CSMD1: variants seen among roughly 807,000 people sequenced by gnomAD.
The protein encoded by CSMD1 is CUB and sushi domain-containing protein 1.
A neutral mutation model predicts 417.5 loss-of-function variants in CSMD1; 213 were observed. The ratio of observed to expected loss-of-function variants is 0.51; its 90% CI spans 0.46 to 0.57. The LOEUF is 0.57. Ranked by LOEUF, CSMD1 falls within the 20% of genes least tolerant of loss-of-function variation. CSMD1 has a pLI of 0.00. For synonymous variants in CSMD1, 2,862 were observed against 1,736.8 expected (o/e 1.65, Z -16.11); for missense variants, 6,923 against 4,529.7 (o/e 1.53, Z -15.17).
chr8:3,577,972 C>A (rs1246804864), intron 9 of CSMD1, among the ~76,000 whole-genome samples: 1 of 152,074 alleles, frequency 6.6e-6, no homozygotes, highest in Non-Finnish European at 1.5e-5. Context: ...TTCTACCAGC[C>A]GATGTCCACA....
chr8:2,955,561 G>C (rs4875856), intron 64 of CSMD1, 28 bp downstream of exon 64: 692,852 of 1,608,266 alleles, frequency 0.43, 155,896 homozygotes, highest in Non-Finnish European at 0.47. Context: ...CTTTGGAAAA[G>C]TATGCCACTC....
chr8:4,720,560 G>A (rs1055345734), intron 1 of CSMD1, among the ~76,000 whole-genome samples: 1 of 152,014 alleles, frequency 6.6e-6, no homozygotes, highest in African/African-American at 2.4e-5. Flanking sequence ...TGAGATTAAA[G>A]GCACATGCCA....
At chr8:3,954,736 G>C (rs562101122) in intron 5 of CSMD1, among the ~76,000 whole-genome samples, 4 of 152,328 alleles carry the variant, frequency 2.6e-5, no homozygotes, top group Admixed American at 2.6e-4. Flanking sequence ...CATGCGCAGA[G>C]CCCTCCTTGC....
intron 2 of CSMD1, among the ~76,000 whole-genome samples, chr8:4,537,764 G>T (rs1033366711): frequency 6.6e-6 from 1 of 152,148 alleles, no homozygotes; most frequent in African/African-American, 2.4e-5. Context: ...ACCTGGCCTC[G>T]AATCACCAGG....
intron 26 of CSMD1, among the ~76,000 whole-genome samples, chr8:3,271,579 C>G (rs1380534269): frequency 6.6e-6 from 1 of 151,920 alleles, no homozygotes; most frequent in African/African-American, 2.4e-5. Flanking sequence ...TCCACATCCT[C>G]TCCAGCACCT....
chr8:3,223,713 C>T lies in CSMD1; in HGVS notation c.4484+16G>A, dbSNP rs766268571. ...AAAAATCCTACTAAAAAGAGGTATT[C>T]TGCAAGAGACGGTACCTTTTGAATA... On this transcript the variant is annotated intron_variant, in intron 28 of 69. Coordinates refer to ENST00000635120, the MANE Select transcript of CSMD1 (RefSeq NM_033225.6). 4 of 1,612,782 alleles carry T rather than the reference C, an allele frequency of 2.5e-6. No homozygotes were observed. The highest frequency in any genetic ancestry group is 2.5e-6 in the Non-Finnish European group (3 of 1,179,344).
intron 5 of CSMD1, among the ~76,000 whole-genome samples, chr8:3,968,449 T>C (rs543783721): frequency 6.6e-6 from 1 of 152,158 alleles, no homozygotes; most frequent in Non-Finnish European, 1.5e-5. Context: ...ACCCACACAA[T>C]GCTTTTCTCT....
chr8:3,724,229 G>C (rs1183804707), intron 6 of CSMD1, among the ~76,000 whole-genome samples: 4 of 151,592 alleles, frequency 2.6e-5, no homozygotes, highest in Non-Finnish European at 4.4e-5. Context: ...TTAAGTTTTA[G>C]GGTACATGTG....
At chr8:4,609,826 T>C (rs1361677397) in intron 2 of CSMD1, among the ~76,000 whole-genome samples, 1 of 152,110 alleles carries the variant, frequency 6.6e-6, no homozygotes, top group Non-Finnish European at 1.5e-5. Context: ...AAACCAAGCA[T>C]CAAATGCCCT....
chr8:3,867,431 C>G (rs1197524602), intron 5 of CSMD1, among the ~76,000 whole-genome samples: 1 of 152,046 alleles, frequency 6.6e-6, no homozygotes, highest in Non-Finnish European at 1.5e-5. Flanking sequence ...AGTATTTGCC[C>G]TTGAGTCTTC....
intron 1 of CSMD1, among the ~76,000 whole-genome samples, chr8:4,659,983 A>T (rs1804486293): frequency 6.6e-6 from 1 of 152,004 alleles, no homozygotes; most frequent in Non-Finnish European, 1.5e-5. Flanking sequence ...CAAATTGGTA[A>T]GGAGTATATA....
At chr8:4,365,634 C>A (rs1009141933) in intron 3 of CSMD1, among the ~76,000 whole-genome samples, 4 of 152,190 alleles carry the variant, frequency 2.6e-5, no homozygotes, top group African/African-American at 9.7e-5. Context: ...TGAACACTAA[C>A]GGTGAATTTT....
chr8:4,597,298 C>A (rs952716832), intron 2 of CSMD1, among the ~76,000 whole-genome samples: 5 of 152,046 alleles, frequency 3.3e-5, no homozygotes, highest in African/African-American at 1.2e-4. Context: ...AATGTATTAA[C>A]TTATAAGATC....
At chr8:4,797,853 G>C (rs1486595839) in intron 1 of CSMD1, among the ~76,000 whole-genome samples, 2 of 152,036 alleles carry the variant, frequency 1.3e-5, no homozygotes, top group African/African-American at 2.4e-5. Flanking sequence ...ACCATATAAA[G>C]ACATTTCCTC....
intron 3 of CSMD1, among the ~76,000 whole-genome samples, chr8:4,042,265 A>C (rs1292823583): frequency 6.6e-6 from 1 of 152,188 alleles, no homozygotes; most frequent in Non-Finnish European, 1.5e-5. Context: ...CAATGAAGAA[A>C]AAATCTTTAA....
At chr8:4,990,136 T>C (rs1811384013) in intron 1 of CSMD1, among the ~76,000 whole-genome samples, 1 of 152,162 alleles carries the variant, frequency 6.6e-6, no homozygotes. Context: ...CTGGACTTGT[T>C]TGATGAGACC....
At chr8:4,353,275 T>C (rs914787388) in intron 3 of CSMD1, among the ~76,000 whole-genome samples, 3 of 152,064 alleles carry the variant, frequency 2.0e-5, no homozygotes, top group Non-Finnish European at 4.4e-5. Flanking sequence ...GGAGATCTGA[T>C]GGTTTTATAA....
intron 1 of CSMD1, among the ~76,000 whole-genome samples, chr8:4,718,345 T>C (rs1457257362): frequency 1.3e-5 from 2 of 152,188 alleles, no homozygotes. Context: ...ATTATCACTA[T>C]TGGTAAAATT....
At chr8:3,731,920 C>T (rs1298328688) in intron 6 of CSMD1, among the ~76,000 whole-genome samples, 1 of 152,088 alleles carries the variant, frequency 6.6e-6, no homozygotes, top group Non-Finnish European at 1.5e-5. Context: ...TGGTTTTGGA[C>T]CTGAGGTTTG....
Sources: allele counts gnomAD v4.1 joint callset (sites outside exome capture counted in the v4.1 genomes callset), GRCh38; gene constraint gnomAD v4.1.1; transcripts MANE v1.5; gene names NCBI Gene and HGNC (gene_info 2026-07-23, HGNC 2026-07-21).